The following SKAP2 variants were observed in gnomAD, a reference collection of about 807,000 sequenced individuals.
SKAP2 encodes src kinase associated phosphoprotein 2.
In SKAP2, 28 loss-of-function variants were observed where a neutral mutation model predicts 54.9. That is an observed-to-expected ratio of 0.51 (90% confidence interval 0.38 to 0.70). The LOEUF is 0.70. SKAP2 is among the 30% of genes least tolerant of loss of function. The probability of loss-of-function intolerance (pLI) is 0.00; values close to 1 mark genes in which losing one functional copy is unlikely to be tolerated. For missense variants in SKAP2, 356 were observed against 424.1 expected (o/e 0.84, Z 1.41); for synonymous variants, 137 against 134.3 (o/e 1.02, Z -0.14).
chr7:26,785,963 C>T (rs1783535457), intron 4 of SKAP2, among the ~76,000 whole-genome samples: 1 of 152,124 alleles, frequency 6.6e-6, no homozygotes, highest in Non-Finnish European at 1.5e-5. Flanking sequence ...ACCCTGGGAA[C>T]TGGAATATAG....
chr7:26,846,335 T>C (rs2127996490), intron 3 of SKAP2, among the ~76,000 whole-genome samples: 1 of 152,232 alleles, frequency 6.6e-6, no homozygotes, highest in South Asian at 2.1e-4. Context: ...TTAAATTATA[T>C]TAAATTCTAG....
rs182502622 is a variant in SKAP2 at position 26,766,697 on chromosome 7, A to C, written c.308-26733T>G. On this transcript the variant is annotated intron_variant, in intron 4 of 12. Coordinates refer to ENST00000345317, the MANE Select transcript of SKAP2 (RefSeq NM_003930.5). ...TTAGCATGAAGGGCTGTTTTTATTG[A>C]AGGCCTTTTCTGCATCTATTGAGAT... Among the ~76,000 whole-genome samples, 249 of 152,070 alleles carry C rather than the reference A, an allele frequency of 1.6e-3. 1 individual carries two copies. Among genetic ancestry groups the C allele is most frequent in the African/African-American group, 5.8e-3 (240 of 41,498 alleles).
intron 4 of SKAP2, among the ~76,000 whole-genome samples, chr7:26,816,629 T>C (rs567578713): frequency 2.0e-5 from 3 of 152,230 alleles, no homozygotes; most frequent in African/African-American, 7.2e-5. Context: ...TATGTGTTGA[T>C]GCACTTAATA....
intron 6 of SKAP2, among the ~76,000 whole-genome samples, chr7:26,730,557 C>A (rs1227428293): frequency 6.6e-6 from 1 of 152,212 alleles, no homozygotes; most frequent in East Asian, 1.9e-4. Flanking sequence ...TTTTATAACA[C>A]ATTGATGCCT....
intron 4 of SKAP2, among the ~76,000 whole-genome samples, chr7:26,754,983 G>A (rs551987532): frequency 1.3e-5 from 2 of 152,286 alleles, no homozygotes; most frequent in African/African-American, 4.8e-5. Flanking sequence ...GTTATTCCTA[G>A]TCAATTTAGA....
downstream of SKAP2, among the ~76,000 whole-genome samples, chr7:26,662,995 C>A (rs556328497): frequency 1.5e-3 from 227 of 152,070 alleles, no homozygotes; most frequent in Middle Eastern, 3.4e-3. Context: ...AGCGCTTGAC[C>A]TGGGAATTAG....
chr7:26,768,436 T>C (rs1319073360), intron 4 of SKAP2, among the ~76,000 whole-genome samples: 1 of 152,216 alleles, frequency 6.6e-6, no homozygotes, highest in Non-Finnish European at 1.5e-5. Flanking sequence ...GTGTCTTTTA[T>C]TTGGGGCATT....
chr7:26,864,358 T>A lies in SKAP2; in HGVS notation c.67+5A>T. On this transcript the variant is annotated splice_donor_5th_base_variant and intron_variant, in intron 1 of 12. Coordinates refer to ENST00000345317, the MANE Select transcript of SKAP2 (RefSeq NM_003930.5). ...CAGCATTATCGCCGCCTTCCCGCTC[T>A]TTACCTGCCAACAGGTTCCTAATTT... The A allele has an allele frequency of 6.2e-7, 1 of 1,613,730 alleles. No individual in the cohort carries two copies. Among genetic ancestry groups the A allele is most frequent in the Non-Finnish European group, 8.5e-7 (1 of 1,179,810 alleles).
intron 4 of SKAP2, among the ~76,000 whole-genome samples, chr7:26,831,027 C>G (rs1784583914): frequency 6.6e-6 from 1 of 152,048 alleles, no homozygotes; most frequent in Non-Finnish European, 1.5e-5. Context: ...GATTGGCAGC[C>G]TTGTTTCCTA....
At chr7:26,839,058 G>T (rs1554306204) in intron 4 of SKAP2, among the ~76,000 whole-genome samples, 1 of 152,058 alleles carries the variant, frequency 6.6e-6, no homozygotes, top group Non-Finnish European at 1.5e-5. Flanking sequence ...AACCTTTGCA[G>T]TCTTTCGTAT....
intron 4 of SKAP2, among the ~76,000 whole-genome samples, chr7:26,758,735 A>G (rs1782859316): frequency 6.6e-6 from 1 of 152,242 alleles, no homozygotes; most frequent in Non-Finnish European, 1.5e-5. Flanking sequence ...TCTGATATAG[A>G]TAATTCTAAT....
intron 1 of SKAP2, among the ~76,000 whole-genome samples, chr7:26,859,688 C>T (rs1043374680): frequency 6.6e-6 from 1 of 152,162 alleles, no homozygotes; most frequent in African/African-American, 2.4e-5. Flanking sequence ...TAAAAGATGA[C>T]TCTTGATAAA....
intron 4 of SKAP2, among the ~76,000 whole-genome samples, chr7:26,746,041 T>C (rs73079514): frequency 0.085 from 12,925 of 152,240 alleles, 612 homozygotes; most frequent in Middle Eastern, 0.16. Context: ...GGTGCCAGTA[T>C]GTCATAATAC....
chr7:26,730,083 A>G (rs58988613), intron 6 of SKAP2, among the ~76,000 whole-genome samples: 88,389 of 151,944 alleles, frequency 0.58, 26,111 homozygotes, highest in East Asian at 0.88. Flanking sequence ...AAGTAGCCAT[A>G]TCTCCAATTA....
chr7:26,802,364 C>G (rs866300219), intron 4 of SKAP2, among the ~76,000 whole-genome samples: 2 of 151,208 alleles, frequency 1.3e-5, no homozygotes, highest in Non-Finnish European at 2.9e-5. Context: ...CTCCGCCTCC[C>G]GAGTTCAAGC....
chr7:26,810,676 C>T (rs901074947), intron 4 of SKAP2, among the ~76,000 whole-genome samples: 1 of 151,708 alleles, frequency 6.6e-6, no homozygotes, highest in African/African-American at 2.4e-5. Flanking sequence ...TATATATATA[C>T]ATGTTTTTGT....
chr7:26,712,182 T>C (rs1329241717), intron 9 of SKAP2, among the ~76,000 whole-genome samples: 1 of 152,186 alleles, frequency 6.6e-6, no homozygotes, highest in Non-Finnish European at 1.5e-5. Context: ...ACACTTGCAT[T>C]ATACTGGTTG....
rs1784401113 is a variant in SKAP2 at position 26,822,421 on chromosome 7, T to G, written c.307+21609A>C. Among the ~76,000 whole-genome samples the G allele has an allele frequency of 2.0e-5, 3 of 152,178 alleles. No individual in the cohort carries two copies. In the South Asian group the frequency reaches 6.2e-4, roughly 32 times the overall value. ...GATCTTTGATGTTGCCATCTAATTGTTTTGGGGCACTATGATCTGCACTCA... is the reference window on the plus strand; with the variant it reads ...GATCTTTGATGTTGCCATCTAATTGGTTTGGGGCACTATGATCTGCACTCA... On this transcript the variant is annotated intron_variant, in intron 4 of 12. Coordinates refer to ENST00000345317, the MANE Select transcript of SKAP2 (RefSeq NM_003930.5).
intron 4 of SKAP2, among the ~76,000 whole-genome samples, chr7:26,807,148 A>G (rs142381624): frequency 1.6e-4 from 25 of 152,360 alleles, no homozygotes; most frequent in Non-Finnish European, 3.1e-4. Context: ...CTACCAGTAA[A>G]GACACTGTGA....
Sources: allele counts gnomAD v4.1 joint callset (sites outside exome capture counted in the v4.1 genomes callset), GRCh38; gene constraint gnomAD v4.1.1; transcripts MANE v1.5; gene names NCBI Gene and HGNC (gene_info 2026-07-23, HGNC 2026-07-21).